Variants in CAMKMT observed in about 807,000 individuals in gnomAD.
CAMKMT encodes the protein CaM KMT.
CAMKMT carries 53 observed loss-of-function variants against 48.0 expected under a neutral mutation model. The ratio of observed to expected loss-of-function variants is 1.10; its 90% CI spans 0.89 to 1.39. CAMKMT has a LOEUF of 1.39. Ranked by LOEUF, CAMKMT falls within the 40% of genes most tolerant of loss-of-function variation. The pLI, the probability that CAMKMT is intolerant of heterozygous loss-of-function variation, is 0.00. For missense variants in CAMKMT, 428 were observed against 402.7 expected (o/e 1.06, Z -0.54); for synonymous variants, 165 against 152.3 (o/e 1.08, Z -0.61).
chr2:44,551,878 C>A (rs1049436687), intron 3 of CAMKMT, among the ~76,000 whole-genome samples: 2 of 152,072 alleles, frequency 1.3e-5, no homozygotes, highest in South Asian at 4.1e-4. Context: ...ATATGACATA[C>A]CTTGTATACC....
At chr2:44,764,132 C>A (rs1425820482) in intron 9 of CAMKMT, among the ~76,000 whole-genome samples, 2 of 151,886 alleles carry the variant, frequency 1.3e-5, no homozygotes, top group Non-Finnish European at 2.9e-5. Context: ...TGAAAACTGC[C>A]TGAAAATAGC....
intron 7 of CAMKMT, among the ~76,000 whole-genome samples, chr2:44,730,333 C>G: frequency 6.6e-6 from 1 of 152,216 alleles, no homozygotes. Context: ...CTTGTCCAGT[C>G]CACAGTGATT....
intron 2 of CAMKMT, among the ~76,000 whole-genome samples, chr2:44,381,533 C>A (rs1423042719): frequency 2.0e-5 from 3 of 152,156 alleles, no homozygotes; most frequent in African/African-American, 7.2e-5. Context: ...ATGTTCACTG[C>A]AGCAGTGTGC....
chr2:44,663,761 G>T (rs1032545510), intron 3 of CAMKMT, among the ~76,000 whole-genome samples: 1 of 152,108 alleles, frequency 6.6e-6, no homozygotes, highest in Non-Finnish European at 1.5e-5. Context: ...CATCTTGTTC[G>T]TGAATCTTTC....
rs118050694 is a variant in CAMKMT, at chr2:44,761,987, G to A, written c.763-4443G>A. On this transcript the variant is annotated intron_variant, in intron 9 of 10. Coordinates refer to ENST00000378494, the MANE Select transcript of CAMKMT (RefSeq NM_024766.5). ...GAAAGCTATAGTTATAGACTTGGGA[G>A]TTATTGGTCTATAAGTGATAGCTGA... is the stretch of plus-strand genomic sequence containing the variant. Among the ~76,000 whole-genome samples, 5 of 152,326 alleles carry A rather than the reference G, an allele frequency of 3.3e-5. No homozygotes were observed. The East Asian group carries it at 9.6e-4, about 29-fold the overall frequency.
At chr2:44,491,244 T>A (rs773777258) in intron 3 of CAMKMT, among the ~76,000 whole-genome samples, 1 of 151,888 alleles carries the variant, frequency 6.6e-6, no homozygotes, top group Non-Finnish European at 1.5e-5. Flanking sequence ...TCCAGCAAGG[T>A]TGTGCCAATG....
rs778702637 is a variant in CAMKMT, at chr2:44,372,919, A to G, written c.311+31A>G. 2.1e-5 allele frequency: 33 copies of G among 1,549,350 alleles called. No individual in the cohort carries two copies. The African/African-American group carries it at 4.4e-4, about 21-fold the overall frequency. ...CATTATTCTAGTTAAGATTTTGTAA[A>G]CACTAGATTTCTCTTGGATAAGAAA... On this transcript the variant is annotated intron_variant, in intron 2 of 10. Coordinates refer to ENST00000378494, the MANE Select transcript of CAMKMT (RefSeq NM_024766.5).
intron 1 of CAMKMT, among the ~76,000 whole-genome samples, chr2:44,366,713 C>CTGTTGTTATTAT (rs1553369045): frequency 1.1e-5 from 1 of 94,360 alleles, no homozygotes; most frequent in South Asian, 4.4e-4. Flanking sequence ...TAAATAGCAG[C>CTGTTGTTATTAT]TATTGTTATT....
rs558692800 is a variant in CAMKMT, at chr2:44,388,638, C to G, written c.312-1603C>G. ...TGGTTCCTTCTCATTTGGGTAGGCT[C>G]CGTCAGAGGGAAGGTCTAGGGCTGA... On this transcript the variant is annotated intron_variant, in intron 2 of 10. Coordinates refer to ENST00000378494, the MANE Select transcript of CAMKMT (RefSeq NM_024766.5). Among the ~76,000 whole-genome samples the G allele has an allele frequency of 2.0e-5, 3 of 152,240 alleles. No individual in the cohort carries two copies. In the South Asian group the frequency reaches 6.2e-4, roughly 32 times the overall value.
At chr2:44,666,771 G>A (rs1243615902) in intron 3 of CAMKMT, among the ~76,000 whole-genome samples, 2 of 151,976 alleles carry the variant, frequency 1.3e-5, no homozygotes, top group Admixed American at 6.6e-5. Flanking sequence ...CGCCATGCCC[G>A]GCTAATTTTT....
At chr2:44,416,954 G>A (rs1683599709) in intron 3 of CAMKMT, among the ~76,000 whole-genome samples, 1 of 151,744 alleles carries the variant, frequency 6.6e-6, no homozygotes, top group Non-Finnish European at 1.5e-5. Context: ...TTTTTTTAGA[G>A]ACAGGGTCTC....
At chr2:44,711,118 T>C (rs184825425) in intron 6 of CAMKMT, among the ~76,000 whole-genome samples, 1 of 152,280 alleles carries the variant, frequency 6.6e-6, no homozygotes, top group Non-Finnish European at 1.5e-5. Context: ...GTACCATAGA[T>C]GGTTAATAAC....
At chr2:44,542,490 TACACATACACACAC>T (rs1667170841) in intron 3 of CAMKMT, among the ~76,000 whole-genome samples, 1 of 63,008 alleles carries the variant, frequency 1.6e-5, no homozygotes, top group Non-Finnish European at 3.4e-5. Flanking sequence ...GTAAGACACA[TACACATACACACAC>T]ACACACACAC....
At chr2:44,742,650 A>G (rs1040963708) in intron 7 of CAMKMT, among the ~76,000 whole-genome samples, 2 of 152,148 alleles carry the variant, frequency 1.3e-5, no homozygotes, top group Admixed American at 1.3e-4. Flanking sequence ...TGAGAAATTT[A>G]CTGGCATTAA....
chr2:44,765,030 C>T (rs1030605529), intron 9 of CAMKMT, among the ~76,000 whole-genome samples: 14 of 151,966 alleles, frequency 9.2e-5, no homozygotes, highest in African/African-American at 3.4e-4. Flanking sequence ...TGAGACCAAC[C>T]TGGTCAACAT....
In CAMKMT at chr2:44,469,892, AT is replaced by A. The variant is rs553799738; in HGVS notation, c.376+79596del. On this transcript the variant is annotated intron_variant, in intron 3 of 10. Transcript: ENST00000378494. ...TTGAAAAAAATTTCTTTCATTTCTA[AT>A]TTTTTTTTGCATTTTATCACCTTAT... Among the ~76,000 whole-genome samples the A allele has an allele frequency of 9.4e-3, 1,389 of 147,096 alleles. 80 individuals are homozygous for A. Among genetic ancestry groups the A allele is most frequent in the Admixed American group, 0.087 (1,292 of 14,858 alleles).
intron 1 of CAMKMT, among the ~76,000 whole-genome samples, chr2:44,366,718 G>GTTATTATTA (rs71393267): frequency 0.45 from 67,136 of 149,972 alleles, 16,353 homozygotes; most frequent in South Asian, 0.62. Flanking sequence ...AGCAGCTATT[G>GTTATTATTA]TTATTATTAT....
At chr2:44,616,841 A>G (rs1447384987) in intron 3 of CAMKMT, among the ~76,000 whole-genome samples, 3 of 152,218 alleles carry the variant, frequency 2.0e-5, no homozygotes, top group African/African-American at 7.2e-5. Flanking sequence ...TCATGTTTCT[A>G]TATGCAGCTG....
chr2:44,644,540 G>T (rs996733383), intron 3 of CAMKMT, among the ~76,000 whole-genome samples: 1 of 152,128 alleles, frequency 6.6e-6, no homozygotes, highest in African/African-American at 2.4e-5. Context: ...AGCTGAAAAG[G>T]CTTTTGTATT....
Sources: allele counts gnomAD v4.1 joint callset (sites outside exome capture counted in the v4.1 genomes callset), GRCh38; gene constraint gnomAD v4.1.1; transcripts MANE v1.5; gene names NCBI Gene and HGNC (gene_info 2026-07-23, HGNC 2026-07-21).